Variants in PCDHGA9 observed in about 807,000 individuals in gnomAD.
PCDHGA9 encodes protocadherin gamma subfamily A, 9.
PCDHGA9 carries 37 observed loss-of-function variants against 62.5 expected under a neutral mutation model. That is an observed-to-expected ratio of 0.59 (90% CI 0.46 to 0.78). PCDHGA9 has a LOEUF of 0.78. PCDHGA9 is among the 30% of genes least tolerant of loss of function. The probability of loss-of-function intolerance (pLI) is 0.00; values close to 1 mark genes in which losing one functional copy is unlikely to be tolerated. For missense variants in PCDHGA9, 1,138 were observed against 1,166.2 expected (o/e 0.98, Z 0.35); for synonymous variants, 459 against 484.6 (o/e 0.95, Z 0.69).
At chr5:141,492,727 G>A (rs2099743408) in intron 1 of PCDHGA9, among the ~76,000 whole-genome samples, 1 of 152,274 alleles carries the variant, frequency 6.6e-6, no homozygotes, top group South Asian at 2.1e-4. Flanking sequence ...GACAGGCAGA[G>A]CTGCCCAGTG....
Position 141,409,803 on chromosome 5 carries a change from C to G in PCDHGA9, c.2424+4427C>G, listed in dbSNP as rs779815582. The G allele has an allele frequency of 1.4e-5, 23 of 1,611,528 alleles. No homozygotes were observed. The highest frequency in any genetic ancestry group is 7.7e-5 in the South Asian group (7 of 90,886). ...CGCGCCTTCGCGCTCACGCTGCAGG[C>G]CCGCGACCACGGCTCGCCCACGCTC... On this transcript the variant is annotated intron_variant, in intron 1 of 3. Coordinates refer to ENST00000573521, the MANE Select transcript of PCDHGA9 (RefSeq NM_018921.3).
At chr5:141,440,779 GC>G (rs2154559027) in intron 1 of PCDHGA9, 1 of 152,294 alleles carries the variant, frequency 6.6e-6, no homozygotes, top group Admixed American at 6.5e-5. Flanking sequence ...AGTGCTAGCA[GC>G]CTTAGACGGC....
At position 141,405,215 on chromosome 5, in the gene PCDHGA9, C is replaced by T; in HGVS notation, c.2263C>T (p.Gln755Ter). Residue 755 changes from glutamine to a stop codon, truncating the protein, a stop_gained, in exon 1 of 4, where the codon CAG becomes TAG. Transcript: ENST00000573521. LOFTEE classifies it high-confidence loss of function. ...TCGAGCTTTCCTACAGACCTATTCTCAGGAGTTCTCCCTCACCGCTGACTC... is the reference window on the plus strand; with the variant it reads ...TCGAGCTTTCCTACAGACCTATTCTTAGGAGTTCTCCCTCACCGCTGACTC... Reference protein sequence around the residue: ...GVRAFLQTYSQEFSLTADSRK... With the variant: ...GVRAFLQTYS 6.2e-7 allele frequency: 1 copy of T among 1,614,078 alleles called. No homozygotes were observed. Among genetic ancestry groups the T allele is most frequent in the Non-Finnish European group, 8.5e-7 (1 of 1,180,022 alleles).
At chr5:141,412,139 T>C (rs1380576842) in intron 1 of PCDHGA9, 1 of 152,250 alleles carries the variant, frequency 6.6e-6, no homozygotes, top group Non-Finnish European at 1.5e-5. Flanking sequence ...TGGCCTCTGA[T>C]ACAAACTGCC....
chr5:141,415,020 C>T, intron 1 of PCDHGA9: 2 of 1,613,560 alleles, frequency 1.2e-6, no homozygotes, highest in Non-Finnish European at 1.7e-6. Context: ...TGCTCAAGGC[C>T]AGCGAGCCGG....
At chr5:141,419,744 G>A (rs760207269) in intron 1 of PCDHGA9, 28 of 1,613,778 alleles carry the variant, frequency 1.7e-5, no homozygotes, top group East Asian at 2.2e-5. Context: ...GGTGCGCATG[G>A]TGCGTGCTTT....
At position 141,408,036 on chromosome 5, in the gene PCDHGA9, A is replaced by G. The variant is rs941133513; in HGVS notation, c.2424+2660A>G. On this transcript the variant is annotated intron_variant, in intron 1 of 3. Coordinates refer to ENST00000573521, the MANE Select transcript of PCDHGA9 (RefSeq NM_018921.3). ...AGCCAACAACAGAAAGAAGAAAACC[A>G]GCTCCCACACAGAGCCTCCCGGCTG... 7.9e-6 allele frequency: 9 copies of G among 1,132,718 alleles called. No individual in the cohort carries two copies. In the African/African-American group the frequency reaches 1.4e-4, roughly 18 times the overall value. The allele number at this position is 1,132,718 out of a possible 1,614,324, so 70.2% of individuals were successfully genotyped here. A position where few individuals can be genotyped will look rare whatever the true frequency, so the allele number is the denominator to read the frequency against.
rs1414835001 is a variant in PCDHGA9 at position 141,476,225 on chromosome 5, A to T, written c.2425-18582A>T. 1.2e-6 allele frequency: 2 copies of T among 1,613,882 alleles called. No individual in the cohort carries two copies. Among genetic ancestry groups the T allele is most frequent in the Non-Finnish European group, 1.7e-6 (2 of 1,180,012 alleles). ...GGCTTCCACGGTCATTCACTATGAG[A>T]TCCCGGAGGAAAGAGAGAAGGGTTT... On this transcript the variant is annotated intron_variant, in intron 1 of 3. Transcript: ENST00000573521. This position sits in a 1 kb window ranked among gnomAD's most constrained non-coding sequence, Gnocchi z 7.6.
intron 2 of PCDHGA9, among the ~76,000 whole-genome samples, chr5:141,496,467 TC>T (rs1289225541): frequency 1.3e-5 from 2 of 152,176 alleles, no homozygotes; most frequent in Admixed American, 1.3e-4. Flanking sequence ...GAGTTATCTT[TC>T]CCCCATCCTG....
At chr5:141,419,472 G>T in intron 1 of PCDHGA9, 1 of 1,612,328 alleles carries the variant, frequency 6.2e-7, no homozygotes, top group South Asian at 1.1e-5. Flanking sequence ...CGCGACCAGG[G>T]CTCGCCCGCG....
In PCDHGA9 at chr5:141,404,242, G is replaced by T. The variant is rs372976589; in HGVS notation, c.1290G>T (p.Pro430=). The T allele has an allele frequency of 1.2e-6, 2 of 1,613,462 alleles. No homozygotes were observed. The highest frequency in any genetic ancestry group is 1.7e-6 in the Non-Finnish European group (2 of 1,179,670). Residue 430 remains proline, a synonymous_variant, in exon 1 of 4, where the codon CCG becomes CCT. Coordinates refer to ENST00000573521, the MANE Select transcript of PCDHGA9 (RefSeq NM_018921.3). ...TGACTGCAACAGACAGAGGAACTCC[G>T]CCCCTGTCCACAGAAATTCACATCA... The part of the protein sequence containing the change: ...ITVTATDRGT[P]PLSTEIHITL...
In PCDHGA9 at chr5:141,476,533, A is replaced by G; in HGVS notation, c.2425-18274A>G. 6.2e-7 allele frequency: 1 copy of G among 1,614,184 alleles called. No individual in the cohort carries two copies. Among genetic ancestry groups the G allele is most frequent in the Non-Finnish European group, 8.5e-7 (1 of 1,180,022 alleles). On this transcript the variant is annotated intron_variant, in intron 1 of 3. Transcript: ENST00000573521. The surrounding 1 kb of genome is among the most constrained non-coding windows in gnomAD (Gnocchi z 7.6). ...ACAATCCTGCTTTCCCTACCCAGGA[A>G]ATGAAATTGGAGATTAGCGAGGCCG...
chr5:141,485,735 G>C lies in PCDHGA9; in HGVS notation c.2425-9072G>C, dbSNP rs1562107417. ...ACTGGATGTGAAGAAGCGCAGCGAC[G>C]GCAGCCTGGTCCCAGAGCTGCTCCT... is the stretch of plus-strand genomic sequence containing the variant. On this transcript the variant is annotated intron_variant, in intron 1 of 3. Coordinates refer to ENST00000573521, the MANE Select transcript of PCDHGA9 (RefSeq NM_018921.3). This position sits in a 1 kb window ranked among gnomAD's most constrained non-coding sequence, Gnocchi z 5.7. 2.5e-6 allele frequency: 4 copies of C among 1,614,048 alleles called. No individual in the cohort carries two copies. The highest frequency in any genetic ancestry group is 3.4e-6 in the Non-Finnish European group (4 of 1,180,044).
At chr5:141,408,524 G>A (rs1589673864) in intron 1 of PCDHGA9, 3 of 1,614,080 alleles carry the variant, frequency 1.9e-6, no homozygotes, top group Non-Finnish European at 1.7e-6. Context: ...GCAATTGGAA[G>A]CTGTGGTGGA....
chr5:141,421,082 C>A, intron 1 of PCDHGA9: 1 of 640,114 alleles, frequency 1.6e-6, no homozygotes, highest in Non-Finnish European at 2.6e-6. Flanking sequence ...TGGATACTCA[C>A]AGATCCTGAC....
intron 1 of PCDHGA9, among the ~76,000 whole-genome samples, chr5:141,420,877 G>T (rs566962587): frequency 3.9e-5 from 6 of 152,338 alleles, no homozygotes; most frequent in African/African-American, 1.4e-4. Context: ...TGTAAGTATT[G>T]TGTATCATCG....
chr5:141,424,699 G>A (rs185769714), intron 1 of PCDHGA9: 222 of 152,060 alleles, frequency 1.5e-3, no homozygotes, highest in African/African-American at 5.2e-3. Flanking sequence ...CTATTTTTTT[G>A]TTCATTTTCA....
intron 1 of PCDHGA9, chr5:141,414,917 T>A: frequency 6.2e-7 from 1 of 1,614,148 alleles, no homozygotes; most frequent in Non-Finnish European, 8.5e-7. Context: ...GGCGTGGAGC[T>A]GGCGCCCCGC....
intron 3 of PCDHGA9, among the ~76,000 whole-genome samples, chr5:141,506,429 A>G (rs1406730781): frequency 7.0e-6 from 1 of 143,144 alleles, no homozygotes; most frequent in Non-Finnish European, 1.5e-5. Flanking sequence ...CCTGGGCAAC[A>G]GTCTCGCTCT....
Sources: allele counts gnomAD v4.1 joint callset (sites outside exome capture counted in the v4.1 genomes callset), GRCh38; gene constraint gnomAD v4.1.1; non-coding constraint Gnocchi (gnomAD v3.1); transcripts MANE v1.5; gene names NCBI Gene and HGNC (gene_info 2026-07-23, HGNC 2026-07-21).